Variants in MEF2A observed in about 807,000 individuals in gnomAD.
MEF2A encodes the protein myocyte-specific enhancer factor 2A.
A neutral mutation model predicts 55.8 loss-of-function variants in MEF2A; 28 were observed. The observed-to-expected ratio is 0.50, with a 90% CI of 0.37 to 0.69. MEF2A has a LOEUF of 0.69. MEF2A is among the 30% of genes least tolerant of loss of function. The pLI is 0.00. For missense variants in MEF2A, 528 were observed against 626.2 expected (o/e 0.84, Z 1.67); for synonymous variants, 239 against 227.1 (o/e 1.05, Z -0.47).
Position 99,712,240 on chromosome 15 carries a change from C to G in MEF2A, c.1137-150C>G, listed in dbSNP as rs944359259. 7 of 1,345,880 alleles carry G rather than the reference C, an allele frequency of 5.2e-6. No individual in the cohort carries two copies. The African/African-American group carries it at 1.0e-4, about 20-fold the overall frequency. The allele number at this position is 1,345,880 out of a possible 1,614,324, so 83.4% of individuals were successfully genotyped here. ...ATGGGATTTCCTTTTGTGCCAAGCA[C>G]TGAAGGAAACGACCCAAACCAGTCT... is the stretch of plus-strand genomic sequence containing the variant. On this transcript the variant is annotated intron_variant, in intron 11 of 11. Transcript: ENST00000557942. This position sits in a 1 kb window ranked among gnomAD's most constrained non-coding sequence, Gnocchi z 4.1.
intron 9 of MEF2A, among the ~76,000 whole-genome samples, chr15:99,703,689 A>G (rs546362505): frequency 6.6e-6 from 1 of 152,296 alleles, no homozygotes; most frequent in South Asian, 2.1e-4. Flanking sequence ...AATACCTTAT[A>G]TAGCTCTCCA....
intron 7 of MEF2A, among the ~76,000 whole-genome samples, chr15:99,685,885 T>G (rs2054122302): frequency 6.6e-6 from 1 of 152,212 alleles, no homozygotes; most frequent in South Asian, 2.1e-4. Context: ...ATAAGATTGG[T>G]ACTAGTTCTT....
At chr15:99,672,239 T>C (rs992731132) in intron 5 of MEF2A, among the ~76,000 whole-genome samples, 3 of 152,246 alleles carry the variant, frequency 2.0e-5, no homozygotes, top group Admixed American at 6.5e-5. Flanking sequence ...CACCAGACTT[T>C]TGTTCTTTTC....
intron 5 of MEF2A, among the ~76,000 whole-genome samples, chr15:99,672,868 C>T (rs1320838212): frequency 1.3e-5 from 2 of 152,008 alleles, no homozygotes; most frequent in Non-Finnish European, 2.9e-5. Context: ...TACATGGAAC[C>T]ATCAGAAAGC....
rs34753858 is a variant in MEF2A, at chr15:99,697,054, TAA to T, written c.859-6298_859-6297del. Among the ~76,000 whole-genome samples the T allele has an allele frequency of 7.4e-4, 111 of 150,768 alleles. 4 individuals are homozygous for T. The East Asian group carries it at 8.7e-3, about 12-fold the overall frequency. ...AACAATTGAACATCTATTCATCATT[TAA>T]AAAAAAAAATCTCAATGAACTAGTA... On this transcript the variant is annotated intron_variant, in intron 8 of 11. Coordinates refer to ENST00000557942, the MANE Select transcript of MEF2A (RefSeq NM_001319206.4).
At position 99,642,111 on chromosome 15, in the gene MEF2A, C is replaced by T. The variant is rs116876775; in HGVS notation, c.55-3450C>T. On this transcript the variant is annotated intron_variant, in intron 3 of 11. Transcript: ENST00000557942. ...TATTGTCTTTATACTTGAAGTCTGA[C>T]TTGGCTAGGTCTAACGTTCTAGGTA... 5.8e-3 allele frequency among the ~76,000 whole-genome samples: 877 copies of T among 152,188 alleles called. 30 individuals are homozygous for T. Among genetic ancestry groups the T allele is most frequent in the East Asian group, 0.021 (107 of 5,178 alleles).
At chr15:99,684,778 A>G (rs1342075655) in intron 7 of MEF2A, among the ~76,000 whole-genome samples, 4 of 152,208 alleles carry the variant, frequency 2.6e-5, no homozygotes. Flanking sequence ...GTCTAAGCCA[A>G]TGTCTAGAAG....
intron 4 of MEF2A, among the ~76,000 whole-genome samples, chr15:99,656,481 A>G (rs1431034725): frequency 6.6e-6 from 1 of 152,124 alleles, no homozygotes; most frequent in Non-Finnish European, 1.5e-5. Context: ...AGTGGCCACT[A>G]TGGTGGGTCC....
intron 3 of MEF2A, among the ~76,000 whole-genome samples, chr15:99,642,494 A>T (rs980852233): frequency 1.3e-5 from 2 of 150,800 alleles, no homozygotes; most frequent in East Asian, 1.9e-4. Context: ...TGATTCTTTG[A>T]TTTTCATTAT....
intron 2 of MEF2A, among the ~76,000 whole-genome samples, chr15:99,610,122 T>G (rs1384346069): frequency 6.6e-6 from 1 of 152,064 alleles, no homozygotes; most frequent in Non-Finnish European, 1.5e-5. Context: ...AAATCAAGAA[T>G]CGTATAGAGC....
In MEF2A at chr15:99,645,776, C is replaced by CTAG. The variant is rs2045863366; in HGVS notation, c.258+15_258+17dup. ...CGGATATTGTTGAGGTAACACATATCTAGTAATACGTGAATTGCAAGTAAT... is the reference window on the plus strand; with the variant it reads ...CGGATATTGTTGAGGTAACACATATCTAGTAGTAATACGTGAATTGCAAGTAAT... On this transcript the variant is annotated intron_variant, in intron 4 of 11. Transcript: ENST00000557942. The CTAG allele has an allele frequency of 1.3e-6, 2 of 1,552,932 alleles. No homozygotes were observed. The highest frequency in any genetic ancestry group is 4.5e-5 in the East Asian group (2 of 43,976).
chr15:99,644,607 A>T (rs189415464), intron 3 of MEF2A, among the ~76,000 whole-genome samples: 5 of 152,390 alleles, frequency 3.3e-5, no homozygotes, highest in Admixed American at 3.3e-4. Context: ...ATAGGTATCC[A>T]TGGGGAAAAT....
chr15:99,580,424 C>A (rs2152841582), intron 1 of MEF2A, among the ~76,000 whole-genome samples: 1 of 152,210 alleles, frequency 6.6e-6, no homozygotes, highest in African/African-American at 2.4e-5. Flanking sequence ...TGAGGAAAAC[C>A]CATTGACTTA....
chr15:99,690,200 A>T, intron 7 of MEF2A, 41 bp from the exon 8 acceptor site: 1 of 1,576,996 alleles, frequency 6.3e-7, no homozygotes, highest in Non-Finnish European at 8.7e-7. Flanking sequence ...AAGTATTTTA[A>T]TAACTCTTCT....
chr15:99,627,504 T>C (rs1259600703), intron 2 of MEF2A, among the ~76,000 whole-genome samples: 1 of 149,698 alleles, frequency 6.7e-6, no homozygotes, highest in African/African-American at 2.5e-5. Context: ...GCTTTATATA[T>C]AGGCATACCC....
chr15:99,653,562 T>G (rs1049428177), intron 4 of MEF2A, among the ~76,000 whole-genome samples: 3 of 152,216 alleles, frequency 2.0e-5, no homozygotes, highest in Non-Finnish European at 2.9e-5. Context: ...CTAACGTGTT[T>G]CACTGATTGT....
chr15:99,706,974 TTTAAA>T, intron 10 of MEF2A, 119 bp downstream of exon 10: 1 of 1,246,762 alleles, frequency 8.0e-7, no homozygotes, highest in Admixed American at 2.9e-5. Context: ...GTTTTTTAGA[TTTAAA>T]TTAGGATGTA....
chr15:99,642,735 T>G (rs949014162), intron 3 of MEF2A, among the ~76,000 whole-genome samples: 1 of 152,234 alleles, frequency 6.6e-6, no homozygotes, highest in African/African-American at 2.4e-5. Context: ...CATGGGCTTC[T>G]GATACTTGTG....
At position 99,712,953 on chromosome 15, in the gene MEF2A, C is replaced by A; in HGVS notation, c.*182C>A. 1 of 717,846 alleles carries A rather than the reference C, an allele frequency of 1.4e-6. No individual in the cohort carries two copies. Among genetic ancestry groups the A allele is most frequent in the Non-Finnish European group, 2.2e-6 (1 of 449,328 alleles). 44.5% of individuals were successfully genotyped at this position (717,846 alleles called of 1,614,324 possible). A position where few individuals can be genotyped will look rare whatever the true frequency, so the allele number is the denominator to read the frequency against. ...TGGGTGTGTGTTACATACACAGAATCAGGCACTTACCTGCAAACTCCTTGT... is the reference window on the plus strand; with the variant it reads ...TGGGTGTGTGTTACATACACAGAATAAGGCACTTACCTGCAAACTCCTTGT... On this transcript the variant is annotated 3_prime_UTR_variant, in exon 12 of 12. Transcript: ENST00000557942. This position sits in a 1 kb window ranked among gnomAD's most constrained non-coding sequence, Gnocchi z 4.1.
Sources: gnomAD v4.1 joint callset for allele counts (sites outside exome capture counted in the v4.1 genomes callset) on GRCh38, gnomAD v4.1.1 for gene constraint, Gnocchi (gnomAD v3.1) non-coding constraint, MANE v1.5 for transcripts, NCBI Gene and HGNC (gene_info 2026-07-23, HGNC 2026-07-21) for gene names.